GRIK4: variants seen among roughly 807,000 people sequenced by gnomAD.
GRIK4 encodes glutamate ionotropic receptor kainate type subunit 4.
GRIK4 carries 40 observed loss-of-function variants against 104.9 expected under a neutral mutation model. The observed-to-expected ratio is 0.38, with a 90% CI of 0.30 to 0.50. The LOEUF is 0.50. Ranked by LOEUF, GRIK4 falls within the 20% of genes least tolerant of loss-of-function variation. GRIK4 has a pLI of 0.93. For missense variants in GRIK4, 1,047 were observed against 1,308.1 expected, an observed-to-expected ratio of 0.80 and a Z score of 3.08; for synonymous variants, 485 against 524.9, an observed-to-expected ratio of 0.92 and a Z score of 1.04.
intron 3 of GRIK4, among the ~76,000 whole-genome samples, chr11:120,796,594 G>T (rs1952522830): frequency 6.6e-6 from 1 of 152,088 alleles, no homozygotes; most frequent in Non-Finnish European, 1.5e-5. Context: ...GAAGAGCCCT[G>T]GTAGGGAAAG....
chr11:120,686,764 G>C (rs754501406), intron 3 of GRIK4, among the ~76,000 whole-genome samples: 29 of 152,230 alleles, frequency 1.9e-4, no homozygotes, highest in Non-Finnish European at 3.5e-4. Context: ...ATTAATATGA[G>C]CTTGCATTCC....
At chr11:120,807,332 G>A (rs953530282) in intron 4 of GRIK4, among the ~76,000 whole-genome samples, 19 of 152,328 alleles carry the variant, frequency 1.2e-4, no homozygotes, top group Middle Eastern at 3.4e-3. Context: ...CCAGCTTGAG[G>A]TTTAATTTCC....
chr11:120,527,245 G>A (rs1362983424), intron 1 of GRIK4, among the ~76,000 whole-genome samples: 2 of 152,234 alleles, frequency 1.3e-5, no homozygotes, highest in Admixed American at 1.3e-4. Context: ...GTCCTGCCAG[G>A]CCTCAGCTTT....
chr11:120,794,652 G>A (rs1041970121), intron 3 of GRIK4, among the ~76,000 whole-genome samples: 1 of 152,136 alleles, frequency 6.6e-6, no homozygotes, highest in African/African-American at 2.4e-5. Context: ...AGGTCTTGGA[G>A]GAAACCAGTC....
At chr11:120,681,415 T>G (rs181521721) in intron 3 of GRIK4, among the ~76,000 whole-genome samples, 1 of 152,292 alleles carries the variant, frequency 6.6e-6, no homozygotes, top group Admixed American at 6.5e-5. Flanking sequence ...GCGGTTCCTC[T>G]CTCTCGAGGC....
chr11:120,581,845 T>C (rs377432494), intron 1 of GRIK4, among the ~76,000 whole-genome samples: 4 of 151,962 alleles, frequency 2.6e-5, no homozygotes, highest in African/African-American at 9.7e-5. Context: ...CTTGCTCTGT[T>C]GCCCAGGCTG....
chr11:120,900,962 T>C (rs114308767), intron 12 of GRIK4, among the ~76,000 whole-genome samples: 1,531 of 152,226 alleles, frequency 0.01, 25 homozygotes, highest in African/African-American at 0.035. Context: ...GGGACCTCCT[T>C]CCCGCTGTCT....
At chr11:120,818,441 T>C (rs1443159093) in intron 5 of GRIK4, among the ~76,000 whole-genome samples, 1 of 152,256 alleles carries the variant, frequency 6.6e-6, no homozygotes, top group Non-Finnish European at 1.5e-5. Flanking sequence ...TGTCACTCTT[T>C]AGAATTGCCT....
intron 1 of GRIK4, among the ~76,000 whole-genome samples, chr11:120,530,781 A>G (rs1319997544): frequency 1.3e-5 from 2 of 152,024 alleles, no homozygotes; most frequent in East Asian, 3.9e-4. Context: ...GAAGACAGAG[A>G]TGGCCCTGGG....
chr11:120,536,256 C>A (rs1320336004), intron 1 of GRIK4, among the ~76,000 whole-genome samples: 1 of 152,210 alleles, frequency 6.6e-6, no homozygotes. Context: ...TCTGAGAACA[C>A]AAAAGAGGAG....
intron 3 of GRIK4, among the ~76,000 whole-genome samples, chr11:120,719,438 C>T (rs1950892832): frequency 6.6e-6 from 1 of 152,184 alleles, no homozygotes; most frequent in Admixed American, 6.5e-5. Context: ...CTCTGATACT[C>T]ACTGCCTGTG....
intron 9 of GRIK4, 64 bp from the exon 10 acceptor site, chr11:120,874,001 TC>T: frequency 7.2e-7 from 1 of 1,391,616 alleles, no homozygotes; most frequent in Non-Finnish European, 9.9e-7. Context: ...ATTTTCTCCC[TC>T]CCCTCCCTTT....
chr11:120,957,192 G>A (rs1285639061), intron 16 of GRIK4, among the ~76,000 whole-genome samples: 1 of 152,248 alleles, frequency 6.6e-6, no homozygotes, highest in Non-Finnish European at 1.5e-5. Context: ...GGGAGCCAAG[G>A]GAGGAAGGGA....
intron 1 of GRIK4, among the ~76,000 whole-genome samples, chr11:120,529,469 G>A (rs749348989): frequency 6.6e-6 from 1 of 152,202 alleles, no homozygotes; most frequent in Non-Finnish European, 1.5e-5. Context: ...CTAGAGCCCA[G>A]CCTGGGCACC....
In GRIK4 at chr11:120,944,941, C is replaced by T. The variant is rs149579331; in HGVS notation, c.1590+4481C>T. On this transcript the variant is annotated intron_variant, in intron 14 of 20. Transcript: ENST00000527524. ...ACAATAAAGTGTTAGCTATTATACT[C>T]AACAAATGTATATTAATTGTTCCTT... is the stretch of plus-strand genomic sequence containing the variant. Among the ~76,000 whole-genome samples the T allele has an allele frequency of 1.9e-3, 287 of 152,066 alleles. 1 individual carries two copies. The highest frequency in any genetic ancestry group is 6.3e-3 in the African/African-American group (261 of 41,476).
At chr11:120,539,808 C>T (rs553676980) in intron 1 of GRIK4, among the ~76,000 whole-genome samples, 6 of 152,250 alleles carry the variant, frequency 3.9e-5, no homozygotes, top group African/African-American at 9.6e-5. Flanking sequence ...AATGGAGCTC[C>T]TGGAGGGCTA....
intron 3 of GRIK4, among the ~76,000 whole-genome samples, chr11:120,764,665 C>T (rs1011511720): frequency 6.6e-6 from 1 of 151,838 alleles, no homozygotes; most frequent in African/African-American, 2.4e-5. Flanking sequence ...TGATAAAATC[C>T]CTCAGCATTT....
intron 1 of GRIK4, among the ~76,000 whole-genome samples, chr11:120,515,391 A>G (rs1212511087): frequency 1.3e-5 from 2 of 152,210 alleles, no homozygotes; most frequent in Admixed American, 1.3e-4. Flanking sequence ...CTCACCTGTA[A>G]AATGGGGATA....
chr11:120,854,404 A>G (rs1057426900), intron 8 of GRIK4, among the ~76,000 whole-genome samples: 14 of 152,344 alleles, frequency 9.2e-5, no homozygotes, highest in African/African-American at 3.4e-4. Context: ...TTATAACCCA[A>G]ATGGGTGCAA....
Sources: gnomAD v4.1 joint callset for allele counts (sites outside exome capture counted in the v4.1 genomes callset) on GRCh38, gnomAD v4.1.1 for gene constraint, MANE v1.5 for transcripts, NCBI Gene and HGNC (gene_info 2026-07-23, HGNC 2026-07-21) for gene names.